Variants in PCSK1 observed in about 807,000 individuals in gnomAD.
PCSK1 encodes neuroendocrine convertase 1.
PCSK1 carries 56 observed loss-of-function variants against 90.6 expected under a neutral mutation model. That is an observed-to-expected ratio of 0.62 (90% CI 0.50 to 0.77). The LOEUF is 0.77. PCSK1 is among the 30% of genes least tolerant of loss of function. The pLI is 0.00. For synonymous variants in PCSK1, 348 were observed against 342.4 expected (o/e 1.02, Z -0.18); for missense variants, 801 against 932.6 (o/e 0.86, Z 1.84).
intron 2 of PCSK1, 128 bp downstream of exon 2, chr5:96,429,085 A>C (rs1761407538): frequency 4.8e-6 from 3 of 627,908 alleles, no homozygotes; most frequent in Non-Finnish European, 2.8e-6. Flanking sequence ...TAGAAATAAT[A>C]CAGATAAACA....
chr5:96,414,905 A>C (rs565756708), intron 6 of PCSK1, among the ~76,000 whole-genome samples: 41 of 152,344 alleles, frequency 2.7e-4, no homozygotes, highest in Middle Eastern at 6.8e-3. Flanking sequence ...TATATTCATG[A>C]AAGATGCATT....
At chr5:96,405,221 T>C (rs929340849) in intron 9 of PCSK1, among the ~76,000 whole-genome samples, 6 of 152,186 alleles carry the variant, frequency 3.9e-5, no homozygotes, top group African/African-American at 1.4e-4. Context: ...TGAGTCAAAA[T>C]GAAGGGAATT....
chr5:96,410,839 C>G lies in PCSK1; in HGVS notation c.1030G>C (p.Ala344Pro), dbSNP rs189927028. 1 of 1,614,102 alleles carries G rather than the reference C, an allele frequency of 6.2e-7. No individual in the cohort carries two copies. Among genetic ancestry groups the G allele is most frequent in the South Asian group, 1.1e-5 (1 of 91,086 alleles). ...ASQQGLSPWYAEKCSSTLATS... is the reference protein window; with the variant it reads ...ASQQGLSPWYPEKCSSTLATS... ...GCCAGTGTGGAGGAGCACTTCTCAG[C>G]GTACCAGGGGGATAGGCCTTGCTGG... The change falls in exon 8 of 14, where the codon GCT (alanine) becomes CCT (proline). Residue 344 changes from alanine (A) to proline (P), a missense_variant. Coordinates refer to ENST00000311106, the MANE Select transcript of PCSK1 (RefSeq NM_000439.5).
chr5:96,407,957 T>C (rs1760627973), intron 9 of PCSK1, among the ~76,000 whole-genome samples: 1 of 152,206 alleles, frequency 6.6e-6, no homozygotes, highest in Admixed American at 6.5e-5. Context: ...GGAGAAAGTA[T>C]GTTTAATATA....
At chr5:96,427,632 A>G (rs1054914157) in intron 2 of PCSK1, among the ~76,000 whole-genome samples, 2 of 152,150 alleles carry the variant, frequency 1.3e-5, no homozygotes, top group African/African-American at 4.8e-5. Flanking sequence ...ATGTATAAAG[A>G]GTAGAATGGG....
At chr5:96,430,902 C>G (rs1180093029) in intron 1 of PCSK1, among the ~76,000 whole-genome samples, 1 of 152,200 alleles carries the variant, frequency 6.6e-6, no homozygotes, top group East Asian at 1.9e-4. Context: ...TTGTTTTTTA[C>G]TATTAAGATT....
At chr5:96,411,060 C>G in intron 7 of PCSK1, 74 bp from the exon 8 acceptor site, 1 of 1,029,122 alleles carries the variant, frequency 9.7e-7, no homozygotes, top group Middle Eastern at 3.0e-4. Context: ...ATAAAATCCC[C>G]AACGACTACA....
chr5:96,396,873 C>A (rs1760169131), intron 12 of PCSK1, among the ~76,000 whole-genome samples: 1 of 152,140 alleles, frequency 6.6e-6, no homozygotes, highest in African/African-American at 2.4e-5. Flanking sequence ...TTAAAAAAGT[C>A]ATATTAAATA....
At chr5:96,398,709 G>A (rs2112396435) in intron 11 of PCSK1, among the ~76,000 whole-genome samples, 170 bp downstream of exon 11, 1 of 152,296 alleles carries the variant, frequency 6.6e-6, no homozygotes, top group East Asian at 1.9e-4. Flanking sequence ...GAAATGGGCA[G>A]GGCAGAGGGA....
intron 3 of PCSK1, among the ~76,000 whole-genome samples, chr5:96,425,003 GAAAGAAA>G (rs1561376169): frequency 1.6e-3 from 171 of 106,430 alleles, no homozygotes; most frequent in African/African-American, 3.4e-3. Flanking sequence ...GAAAGAGAAA[GAAAGAAA>G]AGAAAGAAAG....
intron 6 of PCSK1, among the ~76,000 whole-genome samples, chr5:96,415,405 G>A (rs1204967699): frequency 6.6e-6 from 1 of 152,102 alleles, no homozygotes; most frequent in Non-Finnish European, 1.5e-5. Flanking sequence ...TTTGCTCCTT[G>A]AGGCTAAAGG....
intron 11 of PCSK1, 117 bp downstream of exon 11, chr5:96,398,762 A>G (rs1302112982): frequency 1.1e-6 from 1 of 876,060 alleles, no homozygotes; most frequent in Non-Finnish European, 1.9e-6. Context: ...ATGTTTTTTA[A>G]GACCTGAAAA....
At chr5:96,399,163 A>G (rs1451075518) in intron 10 of PCSK1, 127 bp from the exon 11 acceptor site, 1 of 700,632 alleles carries the variant, frequency 1.4e-6, no homozygotes, top group Non-Finnish European at 2.5e-6. Context: ...TGTGATGTGT[A>G]GAACCTAATT....
intron 1 of PCSK1, among the ~76,000 whole-genome samples, chr5:96,430,390 C>T (rs1277160228): frequency 6.6e-6 from 1 of 152,044 alleles, no homozygotes; most frequent in Non-Finnish European, 1.5e-5. Flanking sequence ...TTCTCATCGC[C>T]CAGAGAATTT....
At chr5:96,410,311 G>A (rs1760712838) in intron 8 of PCSK1, among the ~76,000 whole-genome samples, 1 of 152,072 alleles carries the variant, frequency 6.6e-6, no homozygotes, top group Non-Finnish European at 1.5e-5. Flanking sequence ...TTTTCCTGCA[G>A]GTCATCCATT....
chr5:96,393,272 G>A lies in PCSK1; in HGVS notation c.1991C>T (p.Ser664Phe), dbSNP rs752527939. Residue 664 changes from serine (S) to phenylalanine (F), a missense_variant, in exon 14 of 14, where the codon TCC becomes TTC. Physicochemically the swap from Ser to Phe is radical, Grantham distance 155 (BLOSUM62 -2). Transcript: ENST00000311106. ...TTGCAGGAGTCGCAGCATGGCCTGG[G>A]AAGGGGCTCCCTCCTCCAACTCATC... ...RRDELEEGAP[S>F]QAMLRLLQSA... 21 of 1,613,888 alleles carry A rather than the reference G, an allele frequency of 1.3e-5. No individual in the cohort carries two copies. Among genetic ancestry groups the A allele is most frequent in the Non-Finnish European group, 1.6e-5 (19 of 1,179,948 alleles).
intron 12 of PCSK1, among the ~76,000 whole-genome samples, chr5:96,395,843 T>TAA (rs10628666): frequency 0.7 from 106,853 of 151,908 alleles, 38,856 homozygotes; most frequent in African/African-American, 0.89. Flanking sequence ...AATAAATAAA[T>TAA]AAGAGGTCTA....
chr5:96,393,464 C>T, intron 13 of PCSK1, 86 bp from the exon 14 acceptor site: 2 of 1,484,322 alleles, frequency 1.3e-6, no homozygotes, highest in Non-Finnish European at 1.9e-6. Flanking sequence ...CACAGGAACG[C>T]TGCCTGCCGC....
At chr5:96,415,958 C>T in intron 6 of PCSK1, 75 bp downstream of exon 6, 1 of 918,402 alleles carries the variant, frequency 1.1e-6, no homozygotes, top group East Asian at 2.4e-5. Flanking sequence ...AGAAAAGCTC[C>T]CCTCCCCCAT....
Sources: allele counts gnomAD v4.1 joint callset (sites outside exome capture counted in the v4.1 genomes callset), GRCh38; gene constraint gnomAD v4.1.1; transcripts MANE v1.5; gene names NCBI Gene and HGNC (gene_info 2026-07-23, HGNC 2026-07-21).